EPHA5: variants seen among roughly 807,000 people sequenced by gnomAD.
EPHA5 encodes the protein ephrin type-A receptor 5.
EPHA5 carries 60 observed loss-of-function variants against 105.0 expected under a neutral mutation model. The ratio of observed to expected loss-of-function variants is 0.57; its 90% CI spans 0.46 to 0.71. The LOEUF is 0.71. EPHA5 is among the 30% of genes least tolerant of loss of function. The pLI is 0.00. For missense variants in EPHA5, 1,218 were observed against 1,274.7 expected (o/e 0.96, Z 0.68); for synonymous variants, 513 against 449.1 (o/e 1.14, Z -1.80).
chr4:65,553,913 T>A (rs1738157289), intron 3 of EPHA5, among the ~76,000 whole-genome samples: 1 of 152,084 alleles, frequency 6.6e-6, no homozygotes, highest in Non-Finnish European at 1.5e-5. Flanking sequence ...AAGTTTGATT[T>A]CATTTTTTAT....
At chr4:65,425,482 C>G (rs1314021854) in intron 5 of EPHA5, among the ~76,000 whole-genome samples, 3 of 151,994 alleles carry the variant, frequency 2.0e-5, no homozygotes, top group Admixed American at 6.6e-5. Context: ...AATTCTGACT[C>G]TGTAGGTCAA....
At chr4:65,531,582 A>G (rs948870546) in intron 3 of EPHA5, among the ~76,000 whole-genome samples, 10 of 151,276 alleles carry the variant, frequency 6.6e-5, no homozygotes, top group Non-Finnish European at 1.0e-4. Flanking sequence ...ATGTCTTTGC[A>G]GAATGACAAT....
At chr4:65,378,769 G>T (rs988536673) in intron 8 of EPHA5, among the ~76,000 whole-genome samples, 6 of 149,770 alleles carry the variant, frequency 4.0e-5, no homozygotes, top group African/African-American at 1.5e-4. Flanking sequence ...GCTCTTGTTT[G>T]CTTGTTTTCT....
intron 3 of EPHA5, among the ~76,000 whole-genome samples, chr4:65,543,932 C>G (rs1312786608): frequency 1.3e-5 from 2 of 151,896 alleles, no homozygotes; most frequent in Non-Finnish European, 2.9e-5. Flanking sequence ...CATCTACAAC[C>G]ATCTAATCTT....
chr4:65,545,466 G>A (rs945127602), intron 3 of EPHA5, among the ~76,000 whole-genome samples: 1 of 151,812 alleles, frequency 6.6e-6, no homozygotes, highest in Admixed American at 6.6e-5. Context: ...GCCAAGTTTT[G>A]AAAAGTGCTT....
intron 14 of EPHA5, among the ~76,000 whole-genome samples, chr4:65,338,057 C>T (rs1439214476): frequency 6.6e-6 from 1 of 151,708 alleles, no homozygotes; most frequent in Admixed American, 6.6e-5. Context: ...AAAATTTATA[C>T]ATATTGAGAA....
intron 5 of EPHA5, among the ~76,000 whole-genome samples, chr4:65,476,004 C>T (rs1445901398): frequency 1.3e-5 from 2 of 151,632 alleles, no homozygotes; most frequent in Non-Finnish European, 2.9e-5. Flanking sequence ...TCACCATTTC[C>T]CTAGAGAAAA....
At chr4:65,592,836 C>A (rs767756048) in intron 3 of EPHA5, among the ~76,000 whole-genome samples, 30 of 152,136 alleles carry the variant, frequency 2.0e-4, no homozygotes, top group Non-Finnish European at 3.8e-4. Context: ...TGGCCGACAA[C>A]AACGCTGCTT....
rs374985840 is a variant in EPHA5 at position 65,387,351 on chromosome 4, C to T, written c.1793+17023G>A. 7.9e-5 allele frequency among the ~76,000 whole-genome samples: 12 copies of T among 152,034 alleles called. No homozygotes were observed. In the East Asian group the frequency reaches 1.9e-3, roughly 25 times the overall value. ...AACTGATAGGAACAAATGGGCTAAA[C>T]TGTACAAGCTCCATTCAGATATTTG... On this transcript the variant is annotated intron_variant, in intron 8 of 16. Transcript: ENST00000613740.
At chr4:65,662,053 G>A (rs995361468) in intron 1 of EPHA5, among the ~76,000 whole-genome samples, 1 of 152,060 alleles carries the variant, frequency 6.6e-6, no homozygotes, top group African/African-American at 2.4e-5. Flanking sequence ...AACAAAACAG[G>A]CAGGGGCTCT....
intron 8 of EPHA5, among the ~76,000 whole-genome samples, chr4:65,394,617 A>G (rs1721035885): frequency 6.6e-6 from 1 of 152,186 alleles, no homozygotes; most frequent in Admixed American, 6.5e-5. Context: ...AAGAAGCTAT[A>G]AGGTTCTCTG....
intron 8 of EPHA5, among the ~76,000 whole-genome samples, chr4:65,392,510 G>A (rs1720818630): frequency 6.6e-6 from 1 of 151,958 alleles, no homozygotes; most frequent in Non-Finnish European, 1.5e-5. Flanking sequence ...TGTTATAGAT[G>A]CCAAATATAT....
intron 5 of EPHA5, among the ~76,000 whole-genome samples, chr4:65,446,390 C>T (rs1726534136): frequency 6.6e-6 from 1 of 152,070 alleles, no homozygotes; most frequent in Admixed American, 6.6e-5. Context: ...TTATTAAAAG[C>T]ATTGATAGAT....
chr4:65,495,891 C>T (rs1051059971), intron 3 of EPHA5, among the ~76,000 whole-genome samples: 9 of 152,090 alleles, frequency 5.9e-5, no homozygotes, highest in Non-Finnish European at 1.2e-4. Flanking sequence ...ATCATTACTA[C>T]AACTATGTTG....
At chr4:65,440,278 T>C (rs1220609985) in intron 5 of EPHA5, among the ~76,000 whole-genome samples, 1 of 152,056 alleles carries the variant, frequency 6.6e-6, no homozygotes, top group Non-Finnish European at 1.5e-5. Flanking sequence ...TCGGCTTTTA[T>C]GAATTCATTA....
intron 3 of EPHA5, among the ~76,000 whole-genome samples, chr4:65,570,890 G>A (rs1740095681): frequency 6.6e-6 from 1 of 151,908 alleles, no homozygotes; most frequent in Admixed American, 6.6e-5. Flanking sequence ...TTGGAAGATA[G>A]CAATGGAGAT....
At chr4:65,554,981 C>CAAAAAAAAAAAAAAAAAA (rs71205383) in intron 3 of EPHA5, among the ~76,000 whole-genome samples, 2 of 92,620 alleles carry the variant, frequency 2.2e-5, no homozygotes, top group African/African-American at 4.1e-5. Flanking sequence ...TATACAACAG[C>CAAAAAAAAAAAAAAAAAA]AAAAAAAAAA....
At chr4:65,353,835 A>G (rs1182270928) in intron 11 of EPHA5, among the ~76,000 whole-genome samples, 1 of 151,596 alleles carries the variant, frequency 6.6e-6, no homozygotes, top group East Asian at 1.9e-4. Flanking sequence ...CACACTTAAA[A>G]TCTCGATTAA....
intron 16 of EPHA5, chr4:65,330,477 T>C (rs1720504498): frequency 3.8e-6 from 1 of 266,042 alleles, no homozygotes; most frequent in Non-Finnish European, 5.8e-6. Context: ...ATTATAACTA[T>C]TTTTTGAAGG....
Sources: gnomAD v4.1 joint callset for allele counts (sites outside exome capture counted in the v4.1 genomes callset) on GRCh38, gnomAD v4.1.1 for gene constraint, MANE v1.5 for transcripts, NCBI Gene and HGNC (gene_info 2026-07-23, HGNC 2026-07-21) for gene names.